The following LYN variants were observed in gnomAD, a reference collection of about 807,000 sequenced individuals.
LYN encodes tyrosine-protein kinase Lyn.
Under a neutral mutation model 65.0 loss-of-function variants are expected in LYN, and 12 were observed. The observed-to-expected ratio is 0.18, with a 90% CI of 0.12 to 0.30. The LOEUF is 0.30. Among genes scored for constraint, LYN ranks in the 10% least tolerant of loss-of-function variants. LYN has a pLI of 1.00. For synonymous variants in LYN, 222 were observed against 221.2 expected, an observed-to-expected ratio of 1.00 and a Z score of -0.03; for missense variants, 380 against 623.2, an observed-to-expected ratio of 0.61 and a Z score of 4.16.
chr8:55,915,811 G>A (rs1404196590), intron 1 of LYN, among the ~76,000 whole-genome samples: 2 of 151,918 alleles, frequency 1.3e-5, no homozygotes, highest in East Asian at 3.9e-4. Flanking sequence ...GAAAGAGAGA[G>A]AGAAGAGAGA....
intron 1 of LYN, among the ~76,000 whole-genome samples, chr8:55,907,320 G>A (rs1246248546): frequency 6.6e-6 from 1 of 151,902 alleles, no homozygotes; most frequent in Non-Finnish European, 1.5e-5. Flanking sequence ...CACCTATAAC[G>A]TATTCTATGA....
intron 1 of LYN, among the ~76,000 whole-genome samples, chr8:55,885,841 C>A (rs914079928): frequency 6.6e-6 from 1 of 152,122 alleles, no homozygotes; most frequent in African/African-American, 2.4e-5. Flanking sequence ...CACCCCAGGC[C>A]CCTGGGTCAT....
chr8:55,932,290 A>G (rs1316502023), intron 1 of LYN, among the ~76,000 whole-genome samples: 1 of 152,120 alleles, frequency 6.6e-6, no homozygotes, highest in East Asian at 1.9e-4. Context: ...CATATCTCAC[A>G]TTAAACTTAA....
At chr8:55,904,860 T>C (rs1045217891) in intron 1 of LYN, among the ~76,000 whole-genome samples, 1 of 152,200 alleles carries the variant, frequency 6.6e-6, no homozygotes. Flanking sequence ...CTGCGCATTT[T>C]ACCCTTTTTC....
At chr8:55,967,567 C>T (rs1228280270) in intron 9 of LYN, among the ~76,000 whole-genome samples, 1 of 152,174 alleles carries the variant, frequency 6.6e-6, no homozygotes, top group Non-Finnish European at 1.5e-5. Context: ...CTGCCTGCCT[C>T]AGCCTCTGAA....
intron 1 of LYN, among the ~76,000 whole-genome samples, chr8:55,908,459 G>C (rs1377355187): frequency 6.6e-6 from 1 of 151,958 alleles, no homozygotes; most frequent in Non-Finnish European, 1.5e-5. Flanking sequence ...TGACCAGGCT[G>C]GTCTCGAACT....
intron 8 of LYN, among the ~76,000 whole-genome samples, chr8:55,959,673 A>G (rs1807219316): frequency 6.6e-6 from 1 of 152,232 alleles, no homozygotes; most frequent in South Asian, 2.1e-4. Context: ...AAAGGATAAC[A>G]TATGTCCACG....
intron 1 of LYN, among the ~76,000 whole-genome samples, chr8:55,897,870 G>A (rs967242109): frequency 6.6e-6 from 1 of 152,018 alleles, no homozygotes; most frequent in Non-Finnish European, 1.5e-5. Context: ...TCGAGATCGC[G>A]CCACTGTACT....
intron 10 of LYN, among the ~76,000 whole-genome samples, chr8:55,990,066 C>G (rs1233506808): frequency 6.6e-6 from 1 of 151,966 alleles, no homozygotes; most frequent in Non-Finnish European, 1.5e-5. Flanking sequence ...TGGCAAAACA[C>G]TGTCTCTACT....
chr8:55,907,726 C>T (rs1001572172), intron 1 of LYN, among the ~76,000 whole-genome samples: 3 of 152,084 alleles, frequency 2.0e-5, no homozygotes, highest in East Asian at 1.9e-4. Context: ...ATTAACAGGA[C>T]GTGGTGGTGC....
intron 1 of LYN, among the ~76,000 whole-genome samples, chr8:55,913,747 G>T (rs537979979): frequency 1.3e-5 from 2 of 152,128 alleles, no homozygotes; most frequent in African/African-American, 2.4e-5. Flanking sequence ...CTGGGGATTC[G>T]GCACAGTTTT....
chr8:55,887,060 A>G (rs1804818470), intron 1 of LYN, among the ~76,000 whole-genome samples: 1 of 152,256 alleles, frequency 6.6e-6, no homozygotes, highest in Admixed American at 6.5e-5. Context: ...AACAAACACA[A>G]ATTAAGTCAC....
chr8:56,008,124 A>AAAATAAAAT (rs1554519956), intron 12 of LYN, among the ~76,000 whole-genome samples: 97 of 86,726 alleles, frequency 1.1e-3, no homozygotes, highest in African/African-American at 3.8e-3. Context: ...GCCTCAAAAA[A>AAAATAAAAT]AAAATAAAAT....
At chr8:55,973,977 C>A (rs1015231832) in intron 10 of LYN, among the ~76,000 whole-genome samples, 1 of 152,182 alleles carries the variant, frequency 6.6e-6, no homozygotes, top group Non-Finnish European at 1.5e-5. Context: ...ATTATCATGG[C>A]AACAAGTAAC....
intron 1 of LYN, among the ~76,000 whole-genome samples, chr8:55,936,813 A>G (rs1254653730): frequency 1.3e-5 from 2 of 152,208 alleles, no homozygotes; most frequent in Admixed American, 6.5e-5. Context: ...TAAAAATAAT[A>G]AAAGCAACAA....
intron 1 of LYN, among the ~76,000 whole-genome samples, chr8:55,926,945 T>A (rs1806125955): frequency 6.6e-6 from 1 of 152,224 alleles, no homozygotes; most frequent in Non-Finnish European, 1.5e-5. Context: ...TAGATTCAGA[T>A]AAATTAGGCA....
intron 1 of LYN, among the ~76,000 whole-genome samples, chr8:55,914,409 G>A (rs1805728351): frequency 6.6e-6 from 1 of 152,128 alleles, no homozygotes; most frequent in Non-Finnish European, 1.5e-5. Context: ...TAAAGTGAGA[G>A]TGGAAGAAGA....
At chr8:55,972,576 T>C (rs2036897) in intron 10 of LYN, among the ~76,000 whole-genome samples, 63,908 of 152,020 alleles carry the variant, frequency 0.42, 13,850 homozygotes, top group Middle Eastern at 0.54. Flanking sequence ...TGCTACCCAG[T>C]GCTCCTCCTC....
chr8:55,982,122 G>A (rs1386505967), intron 10 of LYN, among the ~76,000 whole-genome samples: 1 of 152,044 alleles, frequency 6.6e-6, no homozygotes, highest in Admixed American at 6.6e-5. Flanking sequence ...TCTTAACAAA[G>A]TCAGGATTTC....
Sources: allele counts gnomAD v4.1 joint callset (sites outside exome capture counted in the v4.1 genomes callset), GRCh38; gene constraint gnomAD v4.1.1; transcripts MANE v1.5; gene names NCBI Gene and HGNC (gene_info 2026-07-23, HGNC 2026-07-21).